MACROD2: variants seen among roughly 807,000 people sequenced by gnomAD.
MACROD2 encodes the protein mono-ADP ribosylhydrolase 2, also known as ADP-ribose glycohydrolase MACROD2.
A neutral mutation model predicts 70.4 loss-of-function variants in MACROD2; 36 were observed. That is an observed-to-expected ratio of 0.51 (90% CI 0.39 to 0.68). The LOEUF is 0.68. Ranked by LOEUF, MACROD2 falls within the 30% of genes least tolerant of loss-of-function variation. The pLI is 0.00. For missense variants in MACROD2, 496 were observed against 538.4 expected (o/e 0.92, Z 0.78); for synonymous variants, 172 against 178.8 (o/e 0.96, Z 0.30).
chr20:15,631,624 GGT>G (rs1235062417), intron 8 of MACROD2, among the ~76,000 whole-genome samples: 1 of 152,034 alleles, frequency 6.6e-6, no homozygotes, highest in Non-Finnish European at 1.5e-5. Flanking sequence ...TTCCTTATTT[GGT>G]GCATGTCTGG....
At chr20:15,040,503 AGTGGTAT>A (rs2075347646) in intron 5 of MACROD2, among the ~76,000 whole-genome samples, 1 of 152,250 alleles carries the variant, frequency 6.6e-6, no homozygotes, top group African/African-American at 2.4e-5. Flanking sequence ...TGTTTCTACC[AGTGGTAT>A]GTCACTGAAG....
intron 5 of MACROD2, among the ~76,000 whole-genome samples, chr20:15,013,702 C>A (rs76212645): frequency 0.15 from 22,101 of 152,136 alleles, 1,702 homozygotes; most frequent in African/African-American, 0.17. Flanking sequence ...CCTCTGCCCA[C>A]TCCTGCTTCT....
Position 15,253,431 on chromosome 20 carries a change from T to C in MACROD2, c.540+23370T>C, listed in dbSNP as rs1362399445. Among the ~76,000 whole-genome samples, 7 of 152,332 alleles carry C rather than the reference T, an allele frequency of 4.6e-5. No homozygotes were observed. The East Asian group carries it at 1.4e-3, about 29-fold the overall frequency. Reference sequence around the variant, plus strand: ...TCAGCTATGCAGCAGGTCCAGCAACTACACAGTTCCAAGATAAGATATCAT... The same window carrying C: ...TCAGCTATGCAGCAGGTCCAGCAACCACACAGTTCCAAGATAAGATATCAT... On this transcript the variant is annotated intron_variant, in intron 6 of 17. Transcript: ENST00000684519.
chr20:15,419,850 G>GCC (rs1265232822), intron 6 of MACROD2, among the ~76,000 whole-genome samples: 1 of 152,206 alleles, frequency 6.6e-6, no homozygotes, highest in Non-Finnish European at 1.5e-5. Flanking sequence ...GGTGATTAAG[G>GCC]TCATTGAAGG....
chr20:14,195,181 T>C (rs1019505375), intron 3 of MACROD2, among the ~76,000 whole-genome samples: 3 of 152,066 alleles, frequency 2.0e-5, no homozygotes, highest in African/African-American at 4.8e-5. Flanking sequence ...AGTTGGGAAA[T>C]GTGGAAAGGA....
At chr20:14,418,272 T>C (rs2083833439) in intron 3 of MACROD2, among the ~76,000 whole-genome samples, 1 of 152,232 alleles carries the variant, frequency 6.6e-6, no homozygotes, top group Non-Finnish European at 1.5e-5. Context: ...TGTTAATTCA[T>C]AGCACAGGCA....
intron 3 of MACROD2, among the ~76,000 whole-genome samples, chr20:14,103,035 G>T (rs1039663859): frequency 6.6e-6 from 1 of 152,024 alleles, no homozygotes; most frequent in East Asian, 1.9e-4. Flanking sequence ...TTGTTATTTA[G>T]CCCTGCATCT....
intron 6 of MACROD2, among the ~76,000 whole-genome samples, chr20:15,291,924 A>G (rs141668274): frequency 6.6e-6 from 1 of 152,368 alleles, no homozygotes; most frequent in African/African-American, 2.4e-5. Context: ...GGTTGTAAAT[A>G]AGCAAACAGA....
rs141931150 is a variant in MACROD2 at position 14,453,179 on chromosome 20, A to T, written c.272-40300A>T. On this transcript the variant is annotated intron_variant, in intron 3 of 17. Coordinates refer to ENST00000684519, the MANE Select transcript of MACROD2 (RefSeq NM_001351661.2). ...ATAGTGTTATTGCATTCCTATGGAC[A>T]TTAAGACCACCAAGGCCTGCATATG... is the stretch of plus-strand genomic sequence containing the variant. Among the ~76,000 whole-genome samples the T allele has an allele frequency of 6.3e-4, 96 of 152,266 alleles. 1 individual carries two copies. In the East Asian group the frequency reaches 0.011, roughly 18 times the overall value.
intron 6 of MACROD2, among the ~76,000 whole-genome samples, chr20:15,407,034 G>A (rs996986308): frequency 3.9e-5 from 6 of 152,196 alleles, no homozygotes; most frequent in African/African-American, 1.4e-4. Flanking sequence ...CGGAGACCAA[G>A]AATTGGAGCC....
At chr20:14,670,878 C>T (rs1466995533) in intron 4 of MACROD2, among the ~76,000 whole-genome samples, 1 of 152,064 alleles carries the variant, frequency 6.6e-6, no homozygotes, top group Non-Finnish European at 1.5e-5. Flanking sequence ...GTCTTACCCC[C>T]ATGTGGTTAG....
chr20:14,545,003 G>A (rs554469263), intron 4 of MACROD2, among the ~76,000 whole-genome samples: 2 of 152,310 alleles, frequency 1.3e-5, no homozygotes, highest in South Asian at 4.1e-4. Context: ...AGAGCTGAGG[G>A]CATATGGGTG....
chr20:14,955,239 TTATA>T (rs2074524151), intron 5 of MACROD2, among the ~76,000 whole-genome samples: 1 of 138,486 alleles, frequency 7.2e-6, no homozygotes, highest in Non-Finnish European at 1.5e-5. Flanking sequence ...ATAATTTTTA[TTATA>T]TATAATTTAT....
intron 5 of MACROD2, among the ~76,000 whole-genome samples, chr20:14,709,352 A>G (rs1001969512): frequency 6.6e-6 from 1 of 152,144 alleles, no homozygotes; most frequent in Non-Finnish European, 1.5e-5. Flanking sequence ...TGGCTTGTGC[A>G]AAATCTTTTA....
At chr20:16,047,288 A>G (rs935941384) in intron 17 of MACROD2, among the ~76,000 whole-genome samples, 7 of 152,202 alleles carry the variant, frequency 4.6e-5, no homozygotes, top group African/African-American at 1.2e-4. Flanking sequence ...AGAATTAGAG[A>G]GCTCAAAGAC....
At chr20:15,159,356 T>C (rs2076331465) in intron 5 of MACROD2, among the ~76,000 whole-genome samples, 1 of 152,062 alleles carries the variant, frequency 6.6e-6, no homozygotes, top group African/African-American at 2.4e-5. Flanking sequence ...TTGTCAAACA[T>C]ATGACTCTCT....
chr20:15,768,855 T>G (rs2051572923), intron 8 of MACROD2, among the ~76,000 whole-genome samples: 1 of 152,180 alleles, frequency 6.6e-6, no homozygotes, highest in Non-Finnish European at 1.5e-5. Flanking sequence ...CGTTAAAAAC[T>G]AAAACAAAAA....
chr20:14,936,926 A>G (rs1431451517), intron 5 of MACROD2, among the ~76,000 whole-genome samples: 1 of 152,210 alleles, frequency 6.6e-6, no homozygotes, highest in Non-Finnish European at 1.5e-5. Flanking sequence ...TATTATGGCA[A>G]TCACTAAGTT....
At chr20:16,034,653 TTTA>T (rs1182845487) in intron 15 of MACROD2, among the ~76,000 whole-genome samples, 2 of 151,940 alleles carry the variant, frequency 1.3e-5, no homozygotes, top group East Asian at 1.9e-4. Context: ...GTTTTAACAC[TTTA>T]TTATTATTAT....
Sources: allele counts gnomAD v4.1 joint callset (sites outside exome capture counted in the v4.1 genomes callset), GRCh38; gene constraint gnomAD v4.1.1; transcripts MANE v1.5; gene names NCBI Gene and HGNC (gene_info 2026-07-23, HGNC 2026-07-21).